The following DCC variants were observed in gnomAD, a reference collection of about 807,000 sequenced individuals.
DCC encodes the protein DCC netrin 1 receptor.
DCC carries 58 observed loss-of-function variants against 172.5 expected under a neutral mutation model. The observed-to-expected ratio is 0.34, with a 90% CI of 0.27 to 0.42. The LOEUF (loss-of-function observed/expected upper bound fraction) is 0.42, where lower values mean the gene tolerates loss of function less well. DCC is among the 10% of genes least tolerant of loss of function. The probability of loss-of-function intolerance (pLI) is 1.00; values close to 1 mark genes in which losing one functional copy is unlikely to be tolerated. For missense variants in DCC, 1,740 were observed against 1,791.0 expected (o/e 0.97, Z 0.51); for synonymous variants, 709 against 644.5 (o/e 1.10, Z -1.52).
intron 9 of DCC, among the ~76,000 whole-genome samples, chr18:53,203,615 T>G (rs2055578679): frequency 6.6e-6 from 1 of 152,090 alleles, no homozygotes; most frequent in African/African-American, 2.4e-5. Flanking sequence ...TGATGCAGAG[T>G]TACGCTGTTA....
At chr18:52,745,791 C>G (rs1330983718) in intron 1 of DCC, among the ~76,000 whole-genome samples, 1 of 152,114 alleles carries the variant, frequency 6.6e-6, no homozygotes, top group African/African-American at 2.4e-5. Flanking sequence ...TCTGTCTATC[C>G]CCTCCCTACC....
At chr18:52,962,248 A>C (rs1000275779) in intron 5 of DCC, among the ~76,000 whole-genome samples, 1 of 152,088 alleles carries the variant, frequency 6.6e-6, no homozygotes, top group Admixed American at 6.5e-5. Flanking sequence ...CAATGAACTC[A>C]AACAAATTTA....
intron 2 of DCC, among the ~76,000 whole-genome samples, chr18:52,825,655 A>T (rs2038496698): frequency 1.3e-5 from 2 of 151,372 alleles, no homozygotes; most frequent in African/African-American, 4.9e-5. Context: ...CTTCAGACTA[A>T]TGGAAAATAT....
chr18:53,279,940 G>A (rs1020898019), intron 12 of DCC, among the ~76,000 whole-genome samples: 1 of 152,008 alleles, frequency 6.6e-6, no homozygotes, highest in African/African-American at 2.4e-5. Flanking sequence ...CTACTTAAGG[G>A]TGGAAGGTAG....
At chr18:53,077,472 C>G (rs933042032) in intron 7 of DCC, among the ~76,000 whole-genome samples, 3 of 152,102 alleles carry the variant, frequency 2.0e-5, no homozygotes, top group African/African-American at 7.2e-5. Context: ...CTGGGCCCCT[C>G]CTGTTATGTC....
chr18:53,039,921 T>C (rs1599056484), intron 5 of DCC, among the ~76,000 whole-genome samples: 1 of 151,992 alleles, frequency 6.6e-6, no homozygotes, highest in Middle Eastern at 3.2e-3. Context: ...GGCATATCTA[T>C]TGTCTGTGCA....
intron 2 of DCC, among the ~76,000 whole-genome samples, chr18:52,878,278 C>G (rs2039431492): frequency 6.6e-6 from 1 of 152,172 alleles, no homozygotes; most frequent in Non-Finnish European, 1.5e-5. Flanking sequence ...ACCTAACTTT[C>G]AAGAAACCCT....
At chr18:52,729,654 G>T (rs1275181608) in intron 1 of DCC, among the ~76,000 whole-genome samples, 1 of 152,180 alleles carries the variant, frequency 6.6e-6, no homozygotes, top group Non-Finnish European at 1.5e-5. Flanking sequence ...CTTCTTGTGG[G>T]ATTAAAGTTT....
chr18:53,298,460 G>A (rs1472204446), intron 12 of DCC, among the ~76,000 whole-genome samples: 2 of 139,002 alleles, frequency 1.4e-5, no homozygotes, highest in East Asian at 2.4e-4. Context: ...CCTGAGAGGT[G>A]TAGGCTGCAG....
chr18:53,420,047 G>A (rs760024127), intron 21 of DCC, among the ~76,000 whole-genome samples: 70 of 151,964 alleles, frequency 4.6e-4, no homozygotes, highest in Non-Finnish European at 7.9e-4. Flanking sequence ...GTAGAGACAG[G>A]ATTTCACCAT....
intron 8 of DCC, 110 bp from the exon 9 acceptor site, chr18:53,178,852 A>G: frequency 9.3e-7 from 1 of 1,072,794 alleles, no homozygotes; most frequent in Non-Finnish European, 1.4e-6. Flanking sequence ...TCAACATTAG[A>G]TGAGTGAGCA....
At chr18:52,404,749 T>G (rs1176149191) in intron 1 of DCC, among the ~76,000 whole-genome samples, 1 of 151,440 alleles carries the variant, frequency 6.6e-6, no homozygotes, top group African/African-American at 2.4e-5. Context: ...GCGATGCTGG[T>G]GCGCTGCACC....
At chr18:52,497,361 A>G (rs1177661669) in intron 1 of DCC, among the ~76,000 whole-genome samples, 1 of 117,248 alleles carries the variant, frequency 8.5e-6, no homozygotes, top group African/African-American at 3.4e-5. Flanking sequence ...ATATACACAC[A>G]TATACATATG....
intron 12 of DCC, among the ~76,000 whole-genome samples, chr18:53,230,198 T>C (rs1381133015): frequency 1.3e-5 from 2 of 152,154 alleles, no homozygotes; most frequent in Non-Finnish European, 2.9e-5. Flanking sequence ...GCATTTACTT[T>C]GGCAAATTTA....
At chr18:53,177,044 T>C (rs1421055066) in intron 8 of DCC, among the ~76,000 whole-genome samples, 40 of 152,064 alleles carry the variant, frequency 2.6e-4, no homozygotes, top group South Asian at 2.1e-4. Context: ...ATGGATGAAA[T>C]TGGCAATCAT....
chr18:52,765,844 A>G (rs920760815), intron 2 of DCC, among the ~76,000 whole-genome samples: 10 of 152,192 alleles, frequency 6.6e-5, no homozygotes, highest in Admixed American at 3.3e-4. Flanking sequence ...AACTTGGGAC[A>G]ACCATGGAAA....
intron 3 of DCC, among the ~76,000 whole-genome samples, chr18:52,911,069 C>T (rs2039964546): frequency 6.6e-6 from 1 of 152,082 alleles, no homozygotes; most frequent in African/African-American, 2.4e-5. Flanking sequence ...ATATTACTTA[C>T]ATTTCAAAAC....
intron 12 of DCC, among the ~76,000 whole-genome samples, chr18:53,288,363 G>A (rs866555461): frequency 2.0e-5 from 3 of 151,904 alleles, no homozygotes; most frequent in Admixed American, 6.6e-5. Context: ...CTACTTCCTG[G>A]TCTCCCAGGA....
At chr18:52,666,288 C>A (rs112020485) in intron 1 of DCC, among the ~76,000 whole-genome samples, 1,783 of 151,400 alleles carry the variant, frequency 0.012, 37 homozygotes, top group African/African-American at 0.039. Context: ...AGTGAGACTC[C>A]GTTACAAAAA....
Sources: allele counts gnomAD v4.1 joint callset (sites outside exome capture counted in the v4.1 genomes callset), GRCh38; gene constraint gnomAD v4.1.1; transcripts MANE v1.5; gene names NCBI Gene and HGNC (gene_info 2026-07-23, HGNC 2026-07-21).